The following SAMD4B variants were observed in gnomAD, a reference collection of about 807,000 sequenced individuals.
SAMD4B encodes the protein sterile alpha motif domain containing 4B, also known as protein Smaug homolog 2.
SAMD4B carries 5 observed loss-of-function variants against 74.5 expected under a neutral mutation model. The ratio of observed to expected loss-of-function variants is 0.07; its 90% CI spans 0.04 to 0.14. The LOEUF (loss-of-function observed/expected upper bound fraction) is 0.14, where lower values mean the gene tolerates loss of function less well. SAMD4B is among the 10% of genes least tolerant of loss of function. The pLI, the probability that SAMD4B is intolerant of heterozygous loss-of-function variation, is 1.00. For missense variants in SAMD4B, 608 were observed against 921.8 expected (o/e 0.66, Z 4.41); for synonymous variants, 373 against 374.9 (o/e 1.00, Z 0.06).
downstream of SAMD4B, chr19:39,389,398 C>G (rs1283643894): frequency 1.2e-6 from 2 of 1,613,390 alleles, no homozygotes; most frequent in Non-Finnish European, 1.7e-6. The surrounding 1 kb of genome is among the most constrained non-coding windows in gnomAD (Gnocchi z 5.3). Context: ...GGTGGGAAAT[C>G]AGGTATCTCA....
intron 12 of SAMD4B, among the ~76,000 whole-genome samples, chr19:39,381,794 T>C (rs558832746): frequency 1.7e-4 from 26 of 152,140 alleles, no homozygotes; most frequent in Non-Finnish European, 3.1e-4. Context: ...TATCTGGGCA[T>C]GGTGGCACAC....
At chr19:39,364,922 G>C (rs1442310788) in intron 3 of SAMD4B, among the ~76,000 whole-genome samples, 1 of 152,144 alleles carries the variant, frequency 6.6e-6, no homozygotes, top group Non-Finnish European at 1.5e-5. Context: ...CTTGGGATTG[G>C]AGAGATAAAA....
intron 1 of SAMD4B, among the ~76,000 whole-genome samples, chr19:39,353,213 G>A (rs2076151591): frequency 6.6e-6 from 1 of 152,062 alleles, no homozygotes; most frequent in South Asian, 2.1e-4. Context: ...CTGCATCCAG[G>A]GCAAACATTG....
intron 3 of SAMD4B, among the ~76,000 whole-genome samples, chr19:39,368,066 A>T (rs2077075064): frequency 6.6e-6 from 1 of 151,826 alleles, no homozygotes; most frequent in South Asian, 2.1e-4. Flanking sequence ...TACAAAAAAT[A>T]AGCTGGGCGT....
At chr19:39,343,079 C>T (rs977239792) in intron 1 of SAMD4B, among the ~76,000 whole-genome samples, 3 of 151,920 alleles carry the variant, frequency 2.0e-5, no homozygotes, top group Non-Finnish European at 4.4e-5. Context: ...CACTCCTCGT[C>T]CATTCCACAG....
Position 39,353,986 on chromosome 19 carries a change from A to G in SAMD4B, c.-266-20A>G, listed in dbSNP as rs569204066. On this transcript the variant is annotated intron_variant, in intron 1 of 13. Coordinates refer to ENST00000610417, the MANE Select transcript of SAMD4B (RefSeq NM_001384574.2). The stretch of plus-strand genomic sequence containing the variant: ...TATTAATCATTCCCCATTAATGGAT[A>G]TTCCCATTCATTTCTTCAGGATTCT... The G allele has an allele frequency of 1.8e-4, 28 of 152,310 alleles. No homozygotes were observed. Among genetic ancestry groups the G allele is most frequent in the African/African-American group, 5.1e-4 (21 of 41,550 alleles). The allele number at this position is 152,310 out of a possible 1,614,324, so 9.4% of individuals were successfully genotyped here. A position where few individuals can be genotyped will look rare whatever the true frequency, so the allele number is the denominator to read the frequency against.
rs1176206856 is a variant in SAMD4B at position 39,381,242 on chromosome 19, C to T, written c.1972+129C>T. On this transcript the variant is annotated intron_variant, in intron 12 of 13. Transcript: ENST00000610417. ...ACCTCTCCCCATACCTCACACCACT[C>T]TGCACCCATCTCCCCCAATTGTGGG... The T allele has an allele frequency of 3.7e-6, 4 of 1,088,456 alleles. No individual in the cohort carries two copies. The Admixed American group carries it at 1.1e-4, about 29-fold the overall frequency. 67.4% of individuals were successfully genotyped at this position (1,088,456 alleles called of 1,614,324 possible).
At chr19:39,386,775 G>A, downstream of SAMD4B, 2 of 1,613,986 alleles carry the variant, frequency 1.2e-6, no homozygotes, top group Non-Finnish European at 8.5e-7. The surrounding 1 kb of genome is among the most constrained non-coding windows in gnomAD (Gnocchi z 6.1). Context: ...CCCCAGCCTT[G>A]GCCCGGCGCT....
chr19:39,375,669 C>T lies in SAMD4B; in HGVS notation c.687C>T (p.His229=), dbSNP rs2077559586. 1.2e-6 allele frequency: 2 copies of T among 1,608,604 alleles called. No homozygotes were observed. Among genetic ancestry groups the T allele is most frequent in the African/African-American group, 1.3e-5 (1 of 74,928 alleles). The change falls in exon 5 of 14, where the codon CAC becomes CAT. Residue 229 remains histidine (H), a synonymous_variant. Transcript: ENST00000610417. The surrounding 1 kb of genome is among the most constrained non-coding windows in gnomAD (Gnocchi z 4.1). ...GGCCAGGTCTCCCCTGCCAAATCCA[C>T]CCTAGCCCACTGAAGCGCTCCATGT... ...NANTGLPCQI[H]PSPLKRSMSL... is the part of the protein sequence containing the mutation.
chr19:39,344,898 G>C (rs115228018), intron 1 of SAMD4B, among the ~76,000 whole-genome samples: 1 of 152,184 alleles, frequency 6.6e-6, no homozygotes, highest in African/African-American at 2.4e-5. Flanking sequence ...AGAGACTTAG[G>C]ATTCTCCCCA....
chr19:39,380,727 G>C lies in SAMD4B; in HGVS notation c.1790G>C (p.Gly597Ala). 1.2e-6 allele frequency: 2 copies of C among 1,608,010 alleles called. No homozygotes were observed. The highest frequency in any genetic ancestry group is 1.7e-6 in the Non-Finnish European group (2 of 1,177,156). Reference sequence around the variant, plus strand: ...GGCCTCCTGAGCCCCTCGGGCATTGGGGGTGTCTCCCCTCGACATGCCCTC... The same window carrying C: ...GGCCTCCTGAGCCCCTCGGGCATTGCGGGTGTCTCCCCTCGACATGCCCTC... ...RMGLLSPSGI[G>A]GVSPRHALTS... The change falls in exon 11 of 14, where the codon GGG becomes GCG. Residue 597 changes from glycine to alanine, a missense_variant. Transcript: ENST00000610417.
At chr19:39,363,069 A>G (rs564784322) in intron 3 of SAMD4B, among the ~76,000 whole-genome samples, 1 of 151,884 alleles carries the variant, frequency 6.6e-6, no homozygotes, top group South Asian at 2.1e-4. Flanking sequence ...GCCTGAGGCT[A>G]CTCCAATTGT....
intron 8 of SAMD4B, 147 bp downstream of exon 8, chr19:39,377,971 A>C (rs1237259842): frequency 3.5e-5 from 28 of 789,758 alleles, no homozygotes; most frequent in Non-Finnish European, 4.7e-5. Flanking sequence ...TAGCCAAGAC[A>C]GGGTGACAAG....
downstream of SAMD4B, chr19:39,388,540 C>CTT (rs1265010482): frequency 4.3e-6 from 7 of 1,613,940 alleles, no homozygotes; most frequent in Non-Finnish European, 5.9e-6. Flanking sequence ...ATCCCCAAAA[C>CTT]TTAACCGCAA....
chr19:39,344,954 T>G (rs751052948), intron 1 of SAMD4B, among the ~76,000 whole-genome samples: 2 of 152,168 alleles, frequency 1.3e-5, no homozygotes, highest in Non-Finnish European at 2.9e-5. Flanking sequence ...GAGGACCTCC[T>G]CACCAAATAA....
In SAMD4B at chr19:39,383,773, C is replaced by A; in HGVS notation, c.*246C>A. ...GCAGCCAGGATAAAGGGGGCAGGGA[C>A]TGGCCAGACTGCCTGCCTCTCTCCT... is the stretch of plus-strand genomic sequence containing the variant. On this transcript the variant is annotated 3_prime_UTR_variant, in exon 14 of 14. Coordinates refer to ENST00000610417, the MANE Select transcript of SAMD4B (RefSeq NM_001384574.2). This position sits in a 1 kb window ranked among gnomAD's most constrained non-coding sequence, Gnocchi z 4.1. 2.1e-6 allele frequency: 3 copies of A among 1,436,414 alleles called. No individual in the cohort carries two copies. Among genetic ancestry groups the A allele is most frequent in the Non-Finnish European group, 2.8e-6 (3 of 1,060,616 alleles). 89.0% of individuals were successfully genotyped at this position (1,436,414 alleles called of 1,614,324 possible).
chr19:39,365,308 CT>C lies in SAMD4B; in HGVS notation c.197-4344del, dbSNP rs143352474. Among the ~76,000 whole-genome samples the C allele has an allele frequency of 4.0e-3, 601 of 151,474 alleles. 4 individuals are homozygous for C. Among genetic ancestry groups the C allele is most frequent in the African/African-American group, 0.014 (569 of 41,172 alleles). On this transcript the variant is annotated intron_variant, in intron 3 of 13. Transcript: ENST00000610417. ...ATGGCTCACACCTGCAATCCCAGCA[CT>C]TTGGGAGGCCGAGGCAGGTGGATCA...
chr19:39,378,654 G>A lies in SAMD4B; in HGVS notation c.1530+65G>A. 9 of 1,420,266 alleles carry A rather than the reference G, an allele frequency of 6.3e-6. No individual in the cohort carries two copies. The highest frequency in any genetic ancestry group is 7.9e-6 in the Non-Finnish European group (8 of 1,009,896). The allele number at this position is 1,420,266 out of a possible 1,614,324, so 88.0% of individuals were successfully genotyped here. Reference sequence around the variant, plus strand: ...CCAGGCGTGGTGGTTCACGCCTGTAGTCCCAGCACTTCGGCCACCGAGGCG... The same window carrying A: ...CCAGGCGTGGTGGTTCACGCCTGTAATCCCAGCACTTCGGCCACCGAGGCG... On this transcript the variant is annotated intron_variant, in intron 9 of 13. Transcript: ENST00000610417. This position sits in a 1 kb window ranked among gnomAD's most constrained non-coding sequence, Gnocchi z 4.4.
At chr19:39,350,646 C>A (rs1459878408) in intron 1 of SAMD4B, 1 of 152,250 alleles carries the variant, frequency 6.6e-6, no homozygotes, top group African/African-American at 2.4e-5. Context: ...TGCCACCACG[C>A]CCAGCTGATT....
Sources: gnomAD v4.1 joint callset for allele counts (sites outside exome capture counted in the v4.1 genomes callset) on GRCh38, gnomAD v4.1.1 for gene constraint, Gnocchi (gnomAD v3.1) non-coding constraint, MANE v1.5 for transcripts, NCBI Gene and HGNC (gene_info 2026-07-23, HGNC 2026-07-21) for gene names.